The following TMEM217B variants were observed in gnomAD, a reference collection of about 807,000 sequenced individuals.
TMEM217B encodes the protein transmembrane protein 217B.
chr6:37,212,298 G>GT, the TMEM217B span: 1 of 353,410 alleles, frequency 2.8e-6, no homozygotes, highest in African/African-American at 2.1e-5. Flanking sequence ...TCCTCAGTGC[G>GT]TAAAACTCAA....
chr6:37,253,880 G>C, the TMEM217B span, among the ~76,000 whole-genome samples: 16 of 151,950 alleles, frequency 1.1e-4, no homozygotes, highest in Admixed American at 6.6e-5. Flanking sequence ...TTTCTCTAAG[G>C]GTTGGGATAT....
the TMEM217B span, among the ~76,000 whole-genome samples, chr6:37,241,187 C>A: frequency 1.3e-5 from 2 of 151,150 alleles, no homozygotes; most frequent in Admixed American, 6.6e-5. Flanking sequence ...CACCTTTGAC[C>A]TCCTGGGCCC....
At chr6:37,243,743 C>T in the TMEM217B span, among the ~76,000 whole-genome samples, 1 of 152,152 alleles carries the variant, frequency 6.6e-6, no homozygotes, top group African/African-American at 2.4e-5. Flanking sequence ...GGATTACAGG[C>T]ATGCACCACC....
the TMEM217B span, among the ~76,000 whole-genome samples, chr6:37,244,745 G>A: frequency 2.0e-5 from 3 of 152,200 alleles, no homozygotes; most frequent in African/African-American, 7.2e-5. Context: ...TAATACACAA[G>A]TTTGTGAGGT....
chr6:37,228,996 C>CAA, the TMEM217B span, among the ~76,000 whole-genome samples: 1 of 135,010 alleles, frequency 7.4e-6, no homozygotes, highest in Admixed American at 7.5e-5. Context: ...GACTCCGTCT[C>CAA]AAAAAAAAAA....
chr6:37,212,503 C>T, the TMEM217B span: 1 of 457,004 alleles, frequency 2.2e-6, no homozygotes, highest in East Asian at 6.9e-5. Flanking sequence ...GCGGCGTTTC[C>T]TGCCCACAGT....
chr6:37,218,524 A>G, the TMEM217B span: 1 of 1,613,992 alleles, frequency 6.2e-7, no homozygotes, highest in South Asian at 1.1e-5. Context: ...CCGCTGTAGA[A>G]ATTCGTCTCT....
chr6:37,221,263 T>C, the TMEM217B span, among the ~76,000 whole-genome samples: 1 of 149,754 alleles, frequency 6.7e-6, no homozygotes, highest in Admixed American at 6.7e-5. Context: ...CTCAGCTCAC[T>C]GTAACCTCCA....
chr6:37,242,871 G>A, the TMEM217B span, among the ~76,000 whole-genome samples: 1 of 152,174 alleles, frequency 6.6e-6, no homozygotes, highest in African/African-American at 2.4e-5. Context: ...GCAGGAGTGT[G>A]CCAGTAAGCT....
At chr6:37,252,631 ATATATATTTTTT>A in the TMEM217B span, among the ~76,000 whole-genome samples, 2 of 77,328 alleles carry the variant, frequency 2.6e-5, no homozygotes, top group African/African-American at 1.2e-4. Context: ...ATATATATAT[ATATATATTTTTT>A]TTTTTTTTTT....
the TMEM217B span, among the ~76,000 whole-genome samples, chr6:37,244,604 G>A: frequency 6.6e-6 from 1 of 152,174 alleles, no homozygotes; most frequent in Non-Finnish European, 1.5e-5. Context: ...GCTGATTTAA[G>A]CAGAAAAACC....
chr6:37,215,173 T>C, the TMEM217B span: 7 of 1,611,332 alleles, frequency 4.3e-6, no homozygotes, highest in Non-Finnish European at 5.9e-6. Flanking sequence ...GGTCCTCTGG[T>C]ACATTCTATT....
chr6:37,256,627 G>A, the TMEM217B span, among the ~76,000 whole-genome samples: 2 of 152,084 alleles, frequency 1.3e-5, no homozygotes, highest in South Asian at 4.1e-4. Flanking sequence ...TGGGAGTAAT[G>A]AAGAAACCGT....
At chr6:37,240,112 G>C in the TMEM217B span, among the ~76,000 whole-genome samples, 1 of 152,144 alleles carries the variant, frequency 6.6e-6, no homozygotes, top group African/African-American at 2.4e-5. Context: ...ATGTGTGACT[G>C]TTTTGCCCTC....
the TMEM217B span, among the ~76,000 whole-genome samples, chr6:37,238,500 T>A: frequency 6.6e-6 from 1 of 152,198 alleles, no homozygotes; most frequent in Admixed American, 6.5e-5. Flanking sequence ...TATGTGCTTT[T>A]CCAGGTTTTT....
At chr6:37,255,214 G>C in the TMEM217B span, among the ~76,000 whole-genome samples, 2 of 152,120 alleles carry the variant, frequency 1.3e-5, no homozygotes, top group African/African-American at 4.8e-5. Flanking sequence ...AAGACCAATG[G>C]GCATGGCTGC....
At chr6:37,239,585 GATA>G in the TMEM217B span, among the ~76,000 whole-genome samples, 1 of 152,160 alleles carries the variant, frequency 6.6e-6, no homozygotes, top group South Asian at 2.1e-4. Flanking sequence ...TGGTACCTAA[GATA>G]ATGATGCATT....
chr6:37,233,034 G>A, the TMEM217B span, among the ~76,000 whole-genome samples: 3 of 152,078 alleles, frequency 2.0e-5, no homozygotes, highest in African/African-American at 7.2e-5. Context: ...CACTACACTG[G>A]TGACTCCCAA....
chr6:37,215,227 T>C, the TMEM217B span: 1 of 1,613,960 alleles, frequency 6.2e-7, no homozygotes, highest in Non-Finnish European at 8.5e-7. Flanking sequence ...TATCTACAGG[T>C]GCTGGGGGCT....
Sources: allele counts gnomAD v4.1 joint callset (sites outside exome capture counted in the v4.1 genomes callset), GRCh38; gene constraint gnomAD v4.1.1; transcripts MANE v1.5; gene names NCBI Gene and HGNC (gene_info 2026-07-23, HGNC 2026-07-21).